Variants in NANS observed in about 807,000 individuals in gnomAD.
NANS encodes N-acetylneuraminate-9-phosphate synthase.
NANS carries 29 observed loss-of-function variants against 33.3 expected under a neutral mutation model. The observed-to-expected ratio is 0.87, with a 90% CI of 0.65 to 1.19. NANS has a LOEUF of 1.19. Ranked by LOEUF, NANS falls within the 50% of genes most tolerant of loss-of-function variation. The probability of loss-of-function intolerance (pLI) is 0.00; values close to 1 mark genes in which losing one functional copy is unlikely to be tolerated. For synonymous variants in NANS, 163 were observed against 177.2 expected, an observed-to-expected ratio of 0.92 and a Z score of 0.64; for missense variants, 394 against 461.1, an observed-to-expected ratio of 0.85 and a Z score of 1.33.
At chr9:98,080,166 A>T (rs1829788698) in intron 4 of NANS, among the ~76,000 whole-genome samples, 2 of 152,252 alleles carry the variant, frequency 1.3e-5, no homozygotes, top group Non-Finnish European at 1.5e-5. Flanking sequence ...GTGAGCTGAG[A>T]TCACGCCATT....
chr9:98,060,697 G>C lies in NANS; in HGVS notation c.133-85G>C. 3 of 1,171,370 alleles carry C rather than the reference G, an allele frequency of 2.6e-6. No individual in the cohort carries two copies. The South Asian group carries it at 3.8e-5, about 15-fold the overall frequency. The allele number at this position is 1,171,370 out of a possible 1,614,324, so 72.6% of individuals were successfully genotyped here. A position where few individuals can be genotyped will look rare whatever the true frequency, so the allele number is the denominator to read the frequency against. On this transcript the variant is annotated intron_variant, in intron 1 of 5. Coordinates refer to ENST00000210444, the MANE Select transcript of NANS (RefSeq NM_018946.4). ...AAATAAATAAATAAATAAAGATGGT[G>C]ATGTCATAGTGGTTGCTCCAGAATT...
intron 3 of NANS, among the ~76,000 whole-genome samples, chr9:98,077,599 C>T (rs1034023433): frequency 6.6e-6 from 1 of 151,952 alleles, no homozygotes; most frequent in African/African-American, 2.4e-5. Flanking sequence ...ATTACTGTGG[C>T]CCCAGCTACT....
Position 98,081,006 on chromosome 9 carries a change from C to T in NANS, c.794C>T (p.Ser265Leu). Reference protein sequence around the residue: ...EPGELAELVRSVRLVERALGS... With the variant: ...EPGELAELVRLVRLVERALGS... ...GGAGAACTGGCCGAGCTGGTGCGGTCAGTGCGTCTTGTGGAGCGTGCCCTG... is the reference window on the plus strand; with the variant it reads ...GGAGAACTGGCCGAGCTGGTGCGGTTAGTGCGTCTTGTGGAGCGTGCCCTG... The change falls in exon 5 of 6, where the codon TCA (serine) becomes TTA (leucine). Residue 265 changes from serine (S) to leucine (L), a missense_variant. Ser to Leu is a moderately radical substitution (Grantham distance 145, BLOSUM62 -2). Transcript: ENST00000210444. The T allele has an allele frequency of 6.2e-7, 1 of 1,614,192 alleles. No homozygotes were observed. Among genetic ancestry groups the T allele is most frequent in the Non-Finnish European group, 8.5e-7 (1 of 1,180,038 alleles).
intron 2 of NANS, among the ~76,000 whole-genome samples, chr9:98,064,162 T>A (rs1227085258): frequency 6.6e-6 from 1 of 152,226 alleles, no homozygotes; most frequent in Non-Finnish European, 1.5e-5. Context: ...AGTTTCAGGC[T>A]ACACTTCTGT....
chr9:98,057,211 AT>A (rs1185460683), intron 1 of NANS, among the ~76,000 whole-genome samples: 3 of 152,176 alleles, frequency 2.0e-5, no homozygotes, highest in Non-Finnish European at 4.4e-5. Flanking sequence ...GTCAGACTTG[AT>A]CAGACCATCC....
intron 1 of NANS, among the ~76,000 whole-genome samples, chr9:98,059,217 G>A (rs908616437): frequency 1.6e-4 from 24 of 151,926 alleles, no homozygotes; most frequent in African/African-American, 5.8e-4. Flanking sequence ...TAGAGACGGG[G>A]TTTCACCATG....
intron 5 of NANS, among the ~76,000 whole-genome samples, chr9:98,082,353 G>C (rs1429746499): frequency 6.6e-6 from 1 of 152,170 alleles, no homozygotes. Context: ...CATCTTGGCT[G>C]TCTGCAACCC....
chr9:98,073,482 A>C (rs1184178904), intron 2 of NANS, among the ~76,000 whole-genome samples: 1 of 149,958 alleles, frequency 6.7e-6, no homozygotes, highest in Non-Finnish European at 1.5e-5. Context: ...GCGGGGTTTC[A>C]CCATGTTGGC....
chr9:98,076,173 C>T (rs915707237), intron 2 of NANS: 1 of 152,172 alleles, frequency 6.6e-6, no homozygotes, highest in Non-Finnish European at 1.5e-5. Flanking sequence ...AAAAATGCTC[C>T]ATTTTCCCCC....
chr9:98,074,232 A>G (rs896785121), intron 2 of NANS, among the ~76,000 whole-genome samples: 4 of 152,196 alleles, frequency 2.6e-5, no homozygotes, highest in Non-Finnish European at 2.9e-5. Flanking sequence ...CCATTTCTGC[A>G]TGTTGAACTC....
chr9:98,065,571 T>C (rs1242014664), intron 2 of NANS, among the ~76,000 whole-genome samples: 72 of 142,672 alleles, frequency 5.0e-4, no homozygotes, highest in African/African-American at 1.8e-3. Flanking sequence ...ACTCCTGACC[T>C]CAGGTGATCC....
chr9:98,070,735 A>G (rs1181927746), intron 2 of NANS, among the ~76,000 whole-genome samples: 1 of 152,098 alleles, frequency 6.6e-6, no homozygotes, highest in Non-Finnish European at 1.5e-5. Flanking sequence ...TTTAATTTTT[A>G]ATTCAGCAAA....
rs183997456 is a variant in NANS at position 98,063,006 on chromosome 9, G to C, written c.348+2009G>C. ...GGCTGGAGTACAGTGGCGTGATCTCGGCTCGCTGCAACCCCCGCCTCCCAG... is the reference window on the plus strand; with the variant it reads ...GGCTGGAGTACAGTGGCGTGATCTCCGCTCGCTGCAACCCCCGCCTCCCAG... On this transcript the variant is annotated intron_variant, in intron 2 of 5. Coordinates refer to ENST00000210444, the MANE Select transcript of NANS (RefSeq NM_018946.4). Among the ~76,000 whole-genome samples the C allele has an allele frequency of 3.5e-3, 528 of 150,352 alleles. 5 individuals carry two copies. Among genetic ancestry groups the C allele is most frequent in the African/African-American group, 0.011 (464 of 40,916 alleles).
chr9:98,081,894 T>C (rs867232386), intron 5 of NANS: 2 of 152,198 alleles, frequency 1.3e-5, no homozygotes, highest in South Asian at 2.1e-4. Flanking sequence ...ATAGTTTCTT[T>C]ATAGAGGAAA....
intron 2 of NANS, among the ~76,000 whole-genome samples, chr9:98,074,003 G>A (rs2117888451): frequency 6.6e-6 from 1 of 152,036 alleles, no homozygotes; most frequent in South Asian, 2.1e-4. Context: ...CTAGGCTGGT[G>A]TCAAACTCCT....
chr9:98,057,091 C>T (rs1828849597), intron 1 of NANS, 151 bp downstream of exon 1: 1 of 1,179,340 alleles, frequency 8.5e-7, no homozygotes, highest in Admixed American at 3.1e-5. Context: ...CCTTCGGATC[C>T]CTCTTCCTCA....
chr9:98,066,099 C>T (rs560176062), intron 2 of NANS, among the ~76,000 whole-genome samples: 14 of 152,304 alleles, frequency 9.2e-5, no homozygotes, highest in African/African-American at 3.1e-4. Flanking sequence ...CCCCAGGACA[C>T]AGTTTTTCTA....
chr9:98,074,613 C>G (rs1250741787), intron 2 of NANS: 1 of 152,214 alleles, frequency 6.6e-6, no homozygotes, highest in Admixed American at 6.5e-5. Context: ...CGCCCCTTCC[C>G]TTTCCAGCAG....
intron 2 of NANS, among the ~76,000 whole-genome samples, chr9:98,068,573 G>T (rs1829217730): frequency 6.6e-6 from 1 of 151,678 alleles, no homozygotes; most frequent in Non-Finnish European, 1.5e-5. Flanking sequence ...CAGTACTTTG[G>T]GAAGCTGAGG....
Sources: allele counts gnomAD v4.1 joint callset (sites outside exome capture counted in the v4.1 genomes callset), GRCh38; gene constraint gnomAD v4.1.1; transcripts MANE v1.5; gene names NCBI Gene and HGNC (gene_info 2026-07-23, HGNC 2026-07-21).